The following DLGAP1 variants were observed in gnomAD, a reference collection of about 807,000 sequenced individuals.
The protein encoded by DLGAP1 is DLG associated protein 1.
DLGAP1 carries 11 observed loss-of-function variants against 90.8 expected under a neutral mutation model. The observed-to-expected ratio is 0.12, with a 90% CI of 0.08 to 0.20. The LOEUF (loss-of-function observed/expected upper bound fraction) is 0.20, where lower values mean the gene tolerates loss of function less well. DLGAP1 is among the 10% of genes least tolerant of loss of function. The pLI is 1.00. For synonymous variants in DLGAP1, 558 were observed against 540.7 expected (o/e 1.03, Z -0.44); for missense variants, 1,050 against 1,333.8 (o/e 0.79, Z 3.31).
intron 1 of DLGAP1, among the ~76,000 whole-genome samples, chr18:4,387,785 G>A (rs1255670837): frequency 6.6e-6 from 1 of 152,116 alleles, no homozygotes; most frequent in Non-Finnish European, 1.5e-5. Flanking sequence ...ACAAAAATTA[G>A]TCGGGCATGG....
chr18:4,315,213 A>G (rs2143513799), intron 1 of DLGAP1, among the ~76,000 whole-genome samples: 1 of 152,310 alleles, frequency 6.6e-6, no homozygotes, highest in South Asian at 2.1e-4. Flanking sequence ...CTAGGGTTGA[A>G]AGAAGGTGTT....
chr18:3,587,771 A>G (rs775412350), intron 7 of DLGAP1, among the ~76,000 whole-genome samples: 2 of 152,218 alleles, frequency 1.3e-5, no homozygotes, highest in Non-Finnish European at 2.9e-5. Flanking sequence ...CGGGAGGAAC[A>G]AACAACTCCG....
intron 1 of DLGAP1, among the ~76,000 whole-genome samples, chr18:4,368,745 T>G (rs1030668886): frequency 2.0e-5 from 3 of 148,360 alleles, no homozygotes; most frequent in Non-Finnish European, 4.4e-5. Context: ...TTTTTCTAAT[T>G]TTCAAGATAG....
intron 8 of DLGAP1, among the ~76,000 whole-genome samples, chr18:3,577,865 G>A (rs543721219): frequency 6.6e-6 from 1 of 152,280 alleles, no homozygotes; most frequent in East Asian, 1.9e-4. Flanking sequence ...TGTAAAAGAA[G>A]TTGCAGGATA....
At position 3,499,381 on chromosome 18, in the gene DLGAP1, G is replaced by A. The variant is rs1438674173; in HGVS notation, c.2738C>T (p.Pro913Leu). Residue 913 changes from proline to leucine, a missense_variant, in exon 13 of 13, where the codon CCT becomes CTT. By Grantham distance (98) the Pro-to-Leu change is moderately conservative. Around this residue, in one of 2 missense-constraint regions of DLGAP1, gnomAD observed 565 missense variants for 879.7 expected, o/e 0.64. Coordinates refer to ENST00000315677, the MANE Select transcript of DLGAP1 (RefSeq NM_004746.4). This position sits in a 1 kb window ranked among gnomAD's most constrained non-coding sequence, Gnocchi z 6.4. ...DPLDKKERRAPPPVPKKPAKG... is the reference protein window; with the variant it reads ...DPLDKKERRALPPVPKKPAKG... Reference sequence around the variant, plus strand: ...CGCCGGCTTCTTTGGCACTGGAGGAGGGGCCCTTCTCTCCTGATCAAAGCA... The same window carrying A: ...CGCCGGCTTCTTTGGCACTGGAGGAAGGGCCCTTCTCTCCTGATCAAAGCA... 1.3e-6 allele frequency: 2 copies of A among 1,550,014 alleles called. No homozygotes were observed. The highest frequency in any genetic ancestry group is 1.4e-5 in the African/African-American group (1 of 72,818).
intron 1 of DLGAP1, among the ~76,000 whole-genome samples, chr18:4,408,894 A>T (rs911844216): frequency 6.6e-5 from 10 of 152,158 alleles, no homozygotes; most frequent in Admixed American, 2.0e-4. Flanking sequence ...ACATCTAGGA[A>T]AACGCTCTAA....
chr18:4,189,547 C>T (rs955386755), intron 1 of DLGAP1, among the ~76,000 whole-genome samples: 8 of 152,054 alleles, frequency 5.3e-5, no homozygotes, highest in African/African-American at 1.4e-4. Flanking sequence ...TTCCCCAGCT[C>T]AATCAACAGA....
At chr18:3,957,669 ATTT>A (rs1315274278) in intron 3 of DLGAP1, among the ~76,000 whole-genome samples, 3 of 152,152 alleles carry the variant, frequency 2.0e-5, no homozygotes, top group Non-Finnish European at 4.4e-5. Flanking sequence ...TTACTTTATT[ATTT>A]ACTTACTAAA....
At chr18:3,846,177 C>G (rs768431865) in intron 4 of DLGAP1, among the ~76,000 whole-genome samples, 3 of 151,908 alleles carry the variant, frequency 2.0e-5, no homozygotes, top group African/African-American at 7.3e-5. Context: ...TAAAATCCAG[C>G]TTTACTGAGT....
At chr18:4,208,818 G>C (rs2077777698) in intron 1 of DLGAP1, among the ~76,000 whole-genome samples, 1 of 152,010 alleles carries the variant, frequency 6.6e-6, no homozygotes, top group African/African-American at 2.4e-5. Context: ...GGGGTGGAGA[G>C]AGAGAGAATG....
chr18:4,225,001 C>G (rs2078156223), intron 1 of DLGAP1, among the ~76,000 whole-genome samples: 1 of 152,034 alleles, frequency 6.6e-6, no homozygotes, highest in Admixed American at 6.6e-5. Context: ...TCACACCCCC[C>G]CACACACACA....
At chr18:4,056,232 C>A (rs184816455) in intron 2 of DLGAP1, among the ~76,000 whole-genome samples, 1 of 152,120 alleles carries the variant, frequency 6.6e-6, no homozygotes, top group African/African-American at 2.4e-5. Context: ...TGAGGATCCT[C>A]GTACTGCAAG....
chr18:4,349,668 A>G (rs1013200144), intron 1 of DLGAP1, among the ~76,000 whole-genome samples: 2 of 152,170 alleles, frequency 1.3e-5, no homozygotes, highest in Non-Finnish European at 2.9e-5. Flanking sequence ...ATGGAGGAAG[A>G]AAATCAAAAT....
rs190871229 is a variant in DLGAP1, at chr18:4,088,335, A to G, written c.-159+62845T>C. 4.1e-3 allele frequency among the ~76,000 whole-genome samples: 620 copies of G among 152,272 alleles called. 3 individuals are homozygous for G. Among genetic ancestry groups the G allele is most frequent in the Non-Finnish European group, 6.8e-3 (463 of 68,026 alleles). ...ACATATGCTATAAACCAGCAACACA[A>G]TGCTACTACTTTTCCTTTAGACAGT... On this transcript the variant is annotated intron_variant, in intron 2 of 12. Transcript: ENST00000315677.
At chr18:3,802,685 A>G (rs1475072781) in intron 5 of DLGAP1, among the ~76,000 whole-genome samples, 1 of 150,746 alleles carries the variant, frequency 6.6e-6, no homozygotes, top group African/African-American at 2.5e-5. Context: ...AAATAATGAT[A>G]CAAAATTGTT....
At chr18:3,925,109 C>T (rs982845571) in intron 3 of DLGAP1, among the ~76,000 whole-genome samples, 8 of 151,978 alleles carry the variant, frequency 5.3e-5, no homozygotes, top group African/African-American at 1.4e-4. Context: ...TGCCACACCA[C>T]GCCTAGCTAA....
At chr18:4,332,800 A>G (rs1305910117) in intron 1 of DLGAP1, among the ~76,000 whole-genome samples, 2 of 151,910 alleles carry the variant, frequency 1.3e-5, no homozygotes, top group African/African-American at 4.9e-5. Flanking sequence ...TTTAAGCCCC[A>G]TTTTCCTTCT....
At chr18:3,632,909 A>G (rs2058575893) in intron 7 of DLGAP1, among the ~76,000 whole-genome samples, 2 of 152,326 alleles carry the variant, frequency 1.3e-5, no homozygotes, top group South Asian at 4.1e-4. Context: ...TTTAGTACCA[A>G]GACAAGTGTT....
chr18:4,337,838 AATGAAATTTCAGCT>A (rs1407422615), intron 1 of DLGAP1, among the ~76,000 whole-genome samples: 1 of 152,178 alleles, frequency 6.6e-6, no homozygotes, highest in Non-Finnish European at 1.5e-5. Flanking sequence ...TCATAGCTGA[AATGAAATTTCAGCT>A]ATTTCAGTGC....
Sources: gnomAD v4.1 joint callset for allele counts (sites outside exome capture counted in the v4.1 genomes callset) on GRCh38, gnomAD v4.1.1 for gene constraint, gnomAD v4.1.1 regional missense constraint, Gnocchi (gnomAD v3.1) non-coding constraint, MANE v1.5 for transcripts, NCBI Gene and HGNC (gene_info 2026-07-23, HGNC 2026-07-21) for gene names.